ARHGAP26: variants seen among roughly 807,000 people sequenced by gnomAD.
The protein encoded by ARHGAP26 is Rho GTPase activating protein 26, also known as rho GTPase-activating protein 26.
A neutral mutation model predicts 104.8 loss-of-function variants in ARHGAP26; 38 were observed. The observed-to-expected ratio is 0.36, with a 90% CI of 0.28 to 0.48. The LOEUF (loss-of-function observed/expected upper bound fraction) is 0.48, where lower values mean the gene tolerates loss of function less well. Among genes scored for constraint, ARHGAP26 ranks in the 20% least tolerant of loss-of-function variants. The pLI, the probability that ARHGAP26 is intolerant of heterozygous loss-of-function variation, is 0.99. For missense variants in ARHGAP26, 704 were observed against 947.9 expected (o/e 0.74, Z 3.38); for synonymous variants, 341 against 340.0 (o/e 1.00, Z -0.03).
intron 19 of ARHGAP26, among the ~76,000 whole-genome samples, chr5:143,139,132 G>A (rs1448878071): frequency 6.6e-6 from 1 of 152,172 alleles, no homozygotes; most frequent in African/African-American, 2.4e-5. Flanking sequence ...AGGGGCTGGG[G>A]TGGAAGTACA....
Position 142,994,260 on chromosome 5 carries a change from G to A in ARHGAP26, c.1108-19820G>A, listed in dbSNP as rs558885207. On this transcript the variant is annotated intron_variant, in intron 11 of 22. Coordinates refer to ENST00000645722, the MANE Select transcript of ARHGAP26 (RefSeq NM_001135608.3). Reference sequence around the variant, plus strand: ...TTCACGGGCAGAGATGCATAGAAGGGCTTCCTTGGCAAGAAATATGGCAAC... The same window carrying A: ...TTCACGGGCAGAGATGCATAGAAGGACTTCCTTGGCAAGAAATATGGCAAC... Among the ~76,000 whole-genome samples the A allele has an allele frequency of 2.9e-4, 44 of 152,286 alleles. No homozygotes were observed. In the South Asian group the frequency reaches 3.3e-3, roughly 11 times the overall value.
chr5:143,134,209 T>C (rs1797673176), intron 19 of ARHGAP26, 104 bp downstream of exon 19: 2 of 1,363,478 alleles, frequency 1.5e-6, no homozygotes, highest in South Asian at 1.7e-5. Flanking sequence ...TGCTACTGGC[T>C]TTTTGTGTCC....
intron 17 of ARHGAP26, among the ~76,000 whole-genome samples, chr5:143,114,277 A>G (rs937276170): frequency 3.3e-5 from 5 of 152,178 alleles, no homozygotes; most frequent in African/African-American, 1.2e-4. Context: ...GCAGTCCTGC[A>G]AGCTGTGTTC....
At chr5:143,053,335 C>A (rs10447227) in intron 14 of ARHGAP26, among the ~76,000 whole-genome samples, 13 of 151,992 alleles carry the variant, frequency 8.6e-5, no homozygotes, top group Non-Finnish European at 1.8e-4. Context: ...CTCTCCAACT[C>A]AAAATGAGGT....
At chr5:143,067,556 A>G (rs968289916) in intron 17 of ARHGAP26, among the ~76,000 whole-genome samples, 1 of 152,162 alleles carries the variant, frequency 6.6e-6, no homozygotes, top group Non-Finnish European at 1.5e-5. Flanking sequence ...GCTTCCACAC[A>G]TACACAGGAA....
intron 17 of ARHGAP26, among the ~76,000 whole-genome samples, chr5:143,058,810 A>T (rs1170605953): frequency 6.6e-6 from 1 of 152,232 alleles, no homozygotes; most frequent in Non-Finnish European, 1.5e-5. Context: ...CCTCATTTCC[A>T]TCAAGAAGCC....
chr5:142,974,284 T>C lies in ARHGAP26; in HGVS notation c.1108-39796T>C, dbSNP rs1261034083. On this transcript the variant is annotated intron_variant, in intron 11 of 22. Transcript: ENST00000645722. ...GTGAAACTTTTCTCGACCTACCTGG[T>C]TACGATGGCTGAAATGATACAAGCA... Among the ~76,000 whole-genome samples the C allele has an allele frequency of 2.6e-5, 4 of 151,838 alleles. No homozygotes were observed. The South Asian group carries it at 8.3e-4, about 32-fold the overall frequency.
chr5:142,829,655 G>A (rs1768002440), intron 1 of ARHGAP26, among the ~76,000 whole-genome samples: 1 of 152,176 alleles, frequency 6.6e-6, no homozygotes, highest in Non-Finnish European at 1.5e-5. Flanking sequence ...AGGCTAATTG[G>A]CTAAAATTAT....
At chr5:142,806,799 A>G (rs904084817) in intron 1 of ARHGAP26, among the ~76,000 whole-genome samples, 3 of 152,196 alleles carry the variant, frequency 2.0e-5, no homozygotes, top group Admixed American at 1.3e-4. Flanking sequence ...TGGTAGTACA[A>G]AGAAGCCAGA....
At chr5:143,172,478 T>A (rs1802913175) in intron 20 of ARHGAP26, among the ~76,000 whole-genome samples, 2 of 152,208 alleles carry the variant, frequency 1.3e-5, no homozygotes, top group Admixed American at 1.3e-4. Flanking sequence ...AAAAAAAGCA[T>A]GCCAGTTCAT....
At chr5:143,071,706 G>A (rs970220008) in intron 17 of ARHGAP26, among the ~76,000 whole-genome samples, 6 of 152,064 alleles carry the variant, frequency 3.9e-5, no homozygotes, top group Non-Finnish European at 5.9e-5. Context: ...TCAGAGGTTC[G>A]AGACCAGTCT....
intron 17 of ARHGAP26, among the ~76,000 whole-genome samples, chr5:143,086,856 G>C (rs3776319): frequency 6.6e-6 from 1 of 152,092 alleles, no homozygotes; most frequent in Non-Finnish European, 1.5e-5. Flanking sequence ...GGTTCTTCCA[G>C]CACTCAGATA....
intron 11 of ARHGAP26, among the ~76,000 whole-genome samples, chr5:143,000,020 G>T (rs1776976772): frequency 6.6e-6 from 1 of 152,102 alleles, no homozygotes; most frequent in African/African-American, 2.4e-5. Flanking sequence ...ATACATCATG[G>T]ATCATCAGAA....
chr5:142,804,583 C>T (rs989328904), intron 1 of ARHGAP26, among the ~76,000 whole-genome samples: 14 of 150,850 alleles, frequency 9.3e-5, no homozygotes, highest in African/African-American at 3.2e-4. Flanking sequence ...CCTCTGCCTC[C>T]TGGGTTCAAG....
chr5:142,978,732 A>G (rs938095404), intron 11 of ARHGAP26, among the ~76,000 whole-genome samples: 2 of 150,926 alleles, frequency 1.3e-5, no homozygotes, highest in South Asian at 4.2e-4. Context: ...GCTTTATGTC[A>G]AGAAAGGAGT....
chr5:142,770,799 T>C lies in ARHGAP26; in HGVS notation c.38T>C (p.Leu13Pro). Residue 13 changes from leucine to proline, a missense_variant, in exon 1 of 23, where the codon CTC (leucine) becomes CCC (proline). Leu to Pro is a moderately conservative substitution (Grantham distance 98). Around this residue, in one of 6 missense-constraint regions of ARHGAP26, gnomAD observed 77 missense variants for 82.6 expected, o/e 0.93. Coordinates refer to ENST00000645722, the MANE Select transcript of ARHGAP26 (RefSeq NM_001135608.3). The stretch of plus-strand genomic sequence containing the variant: ...GCGCTCGAGTTCAGCGACTGCTGCC[T>C]CGATAGTCCGCACTTCCGAGAGACG... ...LPALEFSDCC[L>P]DSPHFRETLK... 6.3e-7 allele frequency: 1 copy of C among 1,597,568 alleles called. No homozygotes were observed. The highest frequency in any genetic ancestry group is 8.5e-7 in the Non-Finnish European group (1 of 1,171,886).
chr5:143,059,203 G>C (rs1786321283), intron 17 of ARHGAP26, among the ~76,000 whole-genome samples: 1 of 152,164 alleles, frequency 6.6e-6, no homozygotes, highest in Non-Finnish European at 1.5e-5. Context: ...CTCCAGCCTA[G>C]CATGTGTGGG....
intron 20 of ARHGAP26, among the ~76,000 whole-genome samples, chr5:143,178,964 G>T (rs921537025): frequency 1.3e-5 from 2 of 151,972 alleles, no homozygotes; most frequent in Non-Finnish European, 2.9e-5. Context: ...CCGCCTCCCG[G>T]GTTCAAGCGA....
At position 143,226,755 on chromosome 5, in the gene ARHGAP26, A is replaced by T. The variant is rs1811713869; in HGVS notation, c.*4309A>T. On this transcript the variant is annotated 3_prime_UTR_variant, in exon 23 of 23. Transcript: ENST00000645722. ...AGACCACACTGTCTTTTTGAATATC[A>T]GTTCATTTCCTCTCACCGAGTGCTT... 4.6e-6 allele frequency: 1 copy of T among 219,480 alleles called. No homozygotes were observed. The highest frequency in any genetic ancestry group is 9.1e-6 in the Non-Finnish European group (1 of 109,496). 13.6% of individuals were successfully genotyped at this position (219,480 alleles called of 1,614,324 possible).
Sources: allele counts gnomAD v4.1 joint callset (sites outside exome capture counted in the v4.1 genomes callset), GRCh38; gene constraint gnomAD v4.1.1; regional missense constraint gnomAD v4.1.1; transcripts MANE v1.5; gene names NCBI Gene and HGNC (gene_info 2026-07-23, HGNC 2026-07-21).